The following WDR33 variants were observed in gnomAD, a reference collection of about 807,000 sequenced individuals.
WDR33 encodes WD repeat domain 33.
A neutral mutation model predicts 164.9 loss-of-function variants in WDR33; 47 were observed. The ratio of observed to expected loss-of-function variants is 0.29; its 90% CI spans 0.23 to 0.36. The LOEUF (loss-of-function observed/expected upper bound fraction) is 0.36. Among genes scored for constraint, WDR33 ranks in the 10% least tolerant of loss-of-function variants. The pLI, the probability that WDR33 is intolerant of heterozygous loss-of-function variation, is 1.00. For missense variants in WDR33, 1,137 were observed against 1,754.1 expected, an observed-to-expected ratio of 0.65 and a Z score of 6.28; for synonymous variants, 505 against 589.0, an observed-to-expected ratio of 0.86 and a Z score of 2.06.
Position 127,702,396 on chromosome 2 carries a change from C to G in WDR33, c.*3927G>C, listed in dbSNP as rs13431323. ...CTTTTTGTGCTGGACTTGGCACACG[C>G]TCTGAAAACTGAGATTTTGTCATTG... is the stretch of plus-strand genomic sequence containing the variant. On this transcript the variant is annotated 3_prime_UTR_variant, in exon 22 of 22. Coordinates refer to ENST00000322313, the MANE Select transcript of WDR33 (RefSeq NM_018383.5). 3.7e-3 allele frequency: 1,218 copies of G among 327,372 alleles called. 12 individuals carry two copies. Among genetic ancestry groups the G allele is most frequent in the African/African-American group, 0.025 (1,130 of 45,618 alleles). The allele number at this position is 327,372 out of a possible 1,614,324, so 20.3% of individuals were successfully genotyped here. A position where few individuals can be genotyped will look rare whatever the true frequency, so the allele number is the denominator to read the frequency against.
chr2:127,735,193 G>A lies in WDR33; in HGVS notation c.725-8416C>T, dbSNP rs185657825. ...TTTTGACTATTCCCTTAAAGGAGGAGGTTCCCTGGCTTCTGTGAAACTGGA... is the reference window on the plus strand; with the variant it reads ...TTTTGACTATTCCCTTAAAGGAGGAAGTTCCCTGGCTTCTGTGAAACTGGA... On this transcript the variant is annotated intron_variant, in intron 7 of 21. Transcript: ENST00000322313. The surrounding 1 kb of genome is among the most constrained non-coding windows in gnomAD (Gnocchi z 4.3). 2.6e-4 allele frequency among the ~76,000 whole-genome samples: 39 copies of A among 152,226 alleles called. No individual in the cohort carries two copies. The highest frequency in any genetic ancestry group is 9.2e-4 in the African/African-American group (38 of 41,500).
At chr2:127,759,040 G>C (rs980250600) in intron 7 of WDR33, among the ~76,000 whole-genome samples, 44 of 152,106 alleles carry the variant, frequency 2.9e-4, no homozygotes, top group Admixed American at 1.6e-3. Context: ...TCATAAGCTT[G>C]GGAAGCTAGG....
rs948196073 is a variant in WDR33, at chr2:127,701,841, G to T, written c.*4482C>A. The stretch of plus-strand genomic sequence containing the variant: ...CTACGCACCGGTGTTGCTGCTGCGC[G>T]CGCGCAAGTTCGCGCTGCTCTGGTC... On this transcript the variant is annotated 3_prime_UTR_variant, in exon 22 of 22. Coordinates refer to ENST00000322313, the MANE Select transcript of WDR33 (RefSeq NM_018383.5). The T allele has an allele frequency of 8.9e-6, 13 of 1,458,896 alleles. No homozygotes were observed. The African/African-American group carries it at 1.9e-4, about 22-fold the overall frequency. The allele number at this position is 1,458,896 out of a possible 1,614,324, so 90.4% of individuals were successfully genotyped here. A position where few individuals can be genotyped will look rare whatever the true frequency, so the allele number is the denominator to read the frequency against.
Position 127,708,519 on chromosome 2 carries a change from T to G in WDR33, c.3781+158A>C, listed in dbSNP as rs1346128869. On this transcript the variant is annotated intron_variant, in intron 21 of 21. Coordinates refer to ENST00000322313, the MANE Select transcript of WDR33 (RefSeq NM_018383.5). The surrounding 1 kb of genome is among the most constrained non-coding windows in gnomAD (Gnocchi z 6.7). ...AGTGGAGTCCTGTGCAGGGCTGAGT[T>G]GCAGTCCACCAGATGACAGCTCGTG... 1.3e-5 allele frequency among the ~76,000 whole-genome samples: 2 copies of G among 152,234 alleles called. No homozygotes were observed. The highest frequency in any genetic ancestry group is 2.4e-5 in the African/African-American group (1 of 41,460).
rs191344370 is a variant in WDR33 at position 127,801,233 on chromosome 2, T to G, written c.-24+9779A>C. On this transcript the variant is annotated intron_variant, in intron 1 of 21. Transcript: ENST00000322313. ...CGGGACGTTGAGGCACAGTGAGCTA[T>G]GATTATACCACTGTACTCCAGCAGG... 1.1e-4 allele frequency among the ~76,000 whole-genome samples: 16 copies of G among 152,164 alleles called. No homozygotes were observed. The East Asian group carries it at 2.9e-3, about 28-fold the overall frequency.
Position 127,721,736 on chromosome 2 carries a change from T to C in WDR33, c.1671+100A>G, listed in dbSNP as rs1010492013. 7.0e-6 allele frequency: 9 copies of C among 1,292,718 alleles called. No homozygotes were observed. Among genetic ancestry groups the C allele is most frequent in the Non-Finnish European group, 9.4e-6 (9 of 954,524 alleles). The allele number at this position is 1,292,718 out of a possible 1,614,324, so 80.1% of individuals were successfully genotyped here. A position where few individuals can be genotyped will look rare whatever the true frequency, so the allele number is the denominator to read the frequency against. ...GGAAATGGCGGTGTTTGTCAGACCA[T>C]GGGAGAGCCCCTTCCCTTTTCCTTA... On this transcript the variant is annotated intron_variant, in intron 15 of 21. Transcript: ENST00000322313. This position sits in a 1 kb window ranked among gnomAD's most constrained non-coding sequence, Gnocchi z 4.9.
intron 7 of WDR33, among the ~76,000 whole-genome samples, chr2:127,728,490 T>C (rs929567460): frequency 1.3e-5 from 2 of 152,224 alleles, no homozygotes; most frequent in African/African-American, 4.8e-5. Flanking sequence ...GTTTATTCTA[T>C]ATTTTTATAT....
intron 7 of WDR33, among the ~76,000 whole-genome samples, chr2:127,747,120 C>T (rs980124558): frequency 6.6e-6 from 1 of 152,168 alleles, no homozygotes; most frequent in South Asian, 2.1e-4. Flanking sequence ...CAAGAGAATA[C>T]ACCACAAATC....
chr2:127,783,599 C>CTTTTTTTTTTTTT (rs35345585), intron 1 of WDR33, among the ~76,000 whole-genome samples: 24 of 84,408 alleles, frequency 2.8e-4, no homozygotes, highest in African/African-American at 1.1e-3. Context: ...TTCAGGACTC[C>CTTTTTTTTTTTTT]TTTTTTTTTT....
chr2:127,777,210 T>TCA (rs571444970), intron 1 of WDR33, among the ~76,000 whole-genome samples: 195 of 152,342 alleles, frequency 1.3e-3, no homozygotes, highest in African/African-American at 4.4e-3. Flanking sequence ...ACATAAACCT[T>TCA]CAATGTTTCA....
At position 127,706,592 on chromosome 2, in the gene WDR33, G is replaced by T. The variant is rs765565621; in HGVS notation, c.3782-40C>A. The T allele has an allele frequency of 6.4e-7, 1 of 1,558,372 alleles. No homozygotes were observed. Among genetic ancestry groups the T allele is most frequent in the Admixed American group, 1.8e-5 (1 of 54,172 alleles). Reference sequence around the variant, plus strand: ...ATTTCACATGGGACTTTTTGTATTAGCAACTGTTTGTCAGTAACTCCCAGT... The same window carrying T: ...ATTTCACATGGGACTTTTTGTATTATCAACTGTTTGTCAGTAACTCCCAGT... On this transcript the variant is annotated intron_variant, in intron 21 of 21. Transcript: ENST00000322313. The surrounding 1 kb of genome is among the most constrained non-coding windows in gnomAD (Gnocchi z 5.1).
chr2:127,787,903 A>C (rs1573461719), intron 1 of WDR33, among the ~76,000 whole-genome samples: 2 of 34,794 alleles, frequency 5.7e-5, no homozygotes, highest in African/African-American at 3.5e-4. Context: ...TGACACCCCC[A>C]CCTCCCTCCC....
chr2:127,726,452 A>C lies in WDR33; in HGVS notation c.851+199T>G, dbSNP rs1686575265. Among the ~76,000 whole-genome samples, 1 of 152,226 alleles carries C rather than the reference A, an allele frequency of 6.6e-6. No homozygotes were observed. The highest frequency in any genetic ancestry group is 1.5e-5 in the Non-Finnish European group (1 of 68,042). On this transcript the variant is annotated intron_variant, in intron 8 of 21. Coordinates refer to ENST00000322313, the MANE Select transcript of WDR33 (RefSeq NM_018383.5). The surrounding 1 kb of genome is among the most constrained non-coding windows in gnomAD (Gnocchi z 4.8). Reference sequence around the variant, plus strand: ...CAAATTAAACTTAGGTCTATGTGGCAGGACAAAAACAAGCCTTACTTCATT... The same window carrying C: ...CAAATTAAACTTAGGTCTATGTGGCCGGACAAAAACAAGCCTTACTTCATT...
Position 127,726,857 on chromosome 2 carries a change from TA to T in WDR33, c.725-81del, listed in dbSNP as rs1012676025. 6.4e-7 allele frequency: 1 copy of T among 1,560,028 alleles called. No homozygotes were observed. Among genetic ancestry groups the T allele is most frequent in the Non-Finnish European group, 8.7e-7 (1 of 1,147,802 alleles). On this transcript the variant is annotated intron_variant, in intron 7 of 21. Coordinates refer to ENST00000322313, the MANE Select transcript of WDR33 (RefSeq NM_018383.5). This position sits in a 1 kb window ranked among gnomAD's most constrained non-coding sequence, Gnocchi z 4.8. Reference sequence around the variant, plus strand: ...TTTAAACCAAAGTAGAGAAACCTAGTAAATGTTTTGCTCTCAGTGCTCAGTC... The same window carrying T: ...TTTAAACCAAAGTAGAGAAACCTAGTAATGTTTTGCTCTCAGTGCTCAGTC...
At chr2:127,809,746 T>C (rs1689580624) in intron 1 of WDR33, among the ~76,000 whole-genome samples, 2 of 152,164 alleles carry the variant, frequency 1.3e-5, no homozygotes, top group African/African-American at 2.4e-5. Context: ...ATAAGCCAAC[T>C]TTCTACCAAA....
At chr2:127,807,991 CA>C (rs1689498201) in intron 1 of WDR33, among the ~76,000 whole-genome samples, 1 of 151,992 alleles carries the variant, frequency 6.6e-6, no homozygotes, top group Admixed American at 6.6e-5. Context: ...AACTAAAAAC[CA>C]AAGTATTCAC....
chr2:127,732,319 G>A (rs1686732238), intron 7 of WDR33, among the ~76,000 whole-genome samples: 1 of 150,534 alleles, frequency 6.6e-6, no homozygotes, highest in Admixed American at 6.6e-5. Context: ...TTTTTTTTGA[G>A]ACAGGGTTGC....
chr2:127,801,912 G>A (rs747151242), intron 1 of WDR33, among the ~76,000 whole-genome samples: 9 of 151,744 alleles, frequency 5.9e-5, no homozygotes, highest in Non-Finnish European at 7.4e-5. Context: ...CAGGCACAGT[G>A]GCTCCTGCTT....
chr2:127,788,060 G>A (rs866181385), intron 1 of WDR33, among the ~76,000 whole-genome samples: 15 of 80,430 alleles, frequency 1.9e-4, no homozygotes, highest in African/African-American at 3.8e-4. Context: ...GCGGCTGGCC[G>A]GGCGGGGGGC....
Sources: gnomAD v4.1 joint callset for allele counts (sites outside exome capture counted in the v4.1 genomes callset) on GRCh38, gnomAD v4.1.1 for gene constraint, Gnocchi (gnomAD v3.1) non-coding constraint, MANE v1.5 for transcripts, NCBI Gene and HGNC (gene_info 2026-07-23, HGNC 2026-07-21) for gene names.